Variants in TUSC3 observed in about 807,000 individuals in gnomAD.
The protein encoded by TUSC3 is tumor suppressor candidate 3, also known as dolichyl-diphosphooligosaccharide--protein glycosyltransferase subunit TUSC3.
Under a neutral mutation model 44.8 loss-of-function variants are expected in TUSC3, and 45 were observed. The observed-to-expected ratio is 1.00, with a 90% CI of 0.79 to 1.29. The LOEUF is 1.29. TUSC3 is among the 50% of genes most tolerant of loss of function. The pLI is 0.00. For missense variants in TUSC3, 519 were observed against 437.9 expected (o/e 1.19, Z -1.65); for synonymous variants, 212 against 152.9 (o/e 1.39, Z -2.85).
intron 2 of TUSC3, among the ~76,000 whole-genome samples, chr8:15,517,880 C>T (rs1014365540): frequency 2.6e-5 from 4 of 151,794 alleles, no homozygotes; most frequent in African/African-American, 9.7e-5. Flanking sequence ...CAAAATTTCC[C>T]TTTTAAATTG....
intron 2 of TUSC3, among the ~76,000 whole-genome samples, chr8:15,505,417 G>A (rs538707306): frequency 2.6e-5 from 4 of 152,182 alleles, no homozygotes; most frequent in Admixed American, 1.3e-4. Flanking sequence ...TCCTTTTTCA[G>A]TTAATTTGAG....
intron 1 of TUSC3, among the ~76,000 whole-genome samples, chr8:15,582,856 T>C (rs895848357): frequency 1.3e-5 from 2 of 152,228 alleles, no homozygotes; most frequent in East Asian, 3.8e-4. Context: ...AAATATGATA[T>C]GTAACACTTC....
At chr8:15,605,092 A>T (rs906314296) in intron 1 of TUSC3, among the ~76,000 whole-genome samples, 13 of 151,918 alleles carry the variant, frequency 8.6e-5, no homozygotes, top group Non-Finnish European at 1.9e-4. Flanking sequence ...TGTGGAAGTT[A>T]GAATATAATG....
At chr8:15,636,629 G>C (rs1806089325) in intron 2 of TUSC3, among the ~76,000 whole-genome samples, 1 of 152,170 alleles carries the variant, frequency 6.6e-6, no homozygotes, top group Admixed American at 6.5e-5. Context: ...CAGTCATTAG[G>C]TTTGTGTGTC....
At chr8:15,803,618 A>G in the TUSC3 span, among the ~76,000 whole-genome samples, 1 of 152,156 alleles carries the variant, frequency 6.6e-6, no homozygotes, top group Non-Finnish European at 1.5e-5. Flanking sequence ...ATGGGTATAC[A>G]CCTGCCATGG....
At chr8:15,633,179 T>G (rs1805898622) in intron 2 of TUSC3, among the ~76,000 whole-genome samples, 1 of 152,130 alleles carries the variant, frequency 6.6e-6, no homozygotes, top group Non-Finnish European at 1.5e-5. Flanking sequence ...GCATTACGTG[T>G]TTTCTTCTCT....
intron 2 of TUSC3, among the ~76,000 whole-genome samples, chr8:15,530,337 A>G (rs547679335): frequency 6.6e-6 from 1 of 152,272 alleles, no homozygotes; most frequent in South Asian, 2.1e-4. Context: ...TGTCTGGCAT[A>G]GTGGATAAGT....
intron 1 of TUSC3, among the ~76,000 whole-genome samples, chr8:15,423,588 C>T (rs571639616): frequency 4.5e-4 from 69 of 152,252 alleles, no homozygotes; most frequent in Non-Finnish European, 9.1e-4. Flanking sequence ...AATTCTTACT[C>T]GATTTTTCTA....
chr8:15,453,765 G>C (rs1430953599), intron 1 of TUSC3, among the ~76,000 whole-genome samples: 1 of 152,098 alleles, frequency 6.6e-6, no homozygotes, highest in East Asian at 1.9e-4. Context: ...GCGGGAGAGG[G>C]CTCCCCCTAC....
intron 2 of TUSC3, among the ~76,000 whole-genome samples, chr8:15,531,022 G>A (rs1171060482): frequency 1.3e-5 from 2 of 152,108 alleles, no homozygotes; most frequent in Non-Finnish European, 2.9e-5. Context: ...CCTCAGGTCC[G>A]CATGTGTATA....
At chr8:15,478,491 T>C (rs921303426) in intron 1 of TUSC3, among the ~76,000 whole-genome samples, 3 of 152,148 alleles carry the variant, frequency 2.0e-5, no homozygotes, top group Admixed American at 1.3e-4. Flanking sequence ...TGTGTTCTCA[T>C]TGTTGAACTC....
intron 1 of TUSC3, among the ~76,000 whole-genome samples, chr8:15,619,168 G>A (rs1805129929): frequency 6.6e-6 from 1 of 152,130 alleles, no homozygotes; most frequent in Non-Finnish European, 1.5e-5. Context: ...CTCCCTTAAG[G>A]CAGTTGGGAT....
At chr8:15,650,847 A>G (rs1348329142) in intron 3 of TUSC3, 33 bp downstream of exon 3, 3 of 1,587,554 alleles carry the variant, frequency 1.9e-6, no homozygotes, top group Admixed American at 1.7e-5. Context: ...TATATTTAAC[A>G]TAGTTGTTTG....
intron 1 of TUSC3, among the ~76,000 whole-genome samples, chr8:15,572,128 C>G (rs1209075257): frequency 6.6e-6 from 1 of 152,142 alleles, no homozygotes; most frequent in Admixed American, 6.5e-5. Context: ...TTCTCTCTAG[C>G]CATGGCATCG....
chr8:15,727,093 C>T (rs1406433098), intron 6 of TUSC3, among the ~76,000 whole-genome samples: 1 of 152,066 alleles, frequency 6.6e-6, no homozygotes, highest in Non-Finnish European at 1.5e-5. Context: ...CATGCTTTAG[C>T]TTTCAGGGAA....
At chr8:15,519,559 C>A in intron 2 of TUSC3, among the ~76,000 whole-genome samples, 1 of 152,080 alleles carries the variant, frequency 6.6e-6, no homozygotes, top group South Asian at 2.1e-4. Flanking sequence ...CTCATAGGAG[C>A]AAGAATCCTA....
At chr8:15,437,949 A>G (rs1015612943) in intron 1 of TUSC3, among the ~76,000 whole-genome samples, 1 of 152,246 alleles carries the variant, frequency 6.6e-6, no homozygotes, top group African/African-American at 2.4e-5. Flanking sequence ...TATGAGAAGC[A>G]GGCAGAATAA....
chr8:15,623,302 A>G (rs1805335549), intron 2 of TUSC3, 53 bp downstream of exon 2: 1 of 1,468,000 alleles, frequency 6.8e-7, no homozygotes, highest in Non-Finnish European at 9.1e-7. Context: ...GTTTACATAT[A>G]TATTTTTATG....
intron 3 of TUSC3, among the ~76,000 whole-genome samples, chr8:15,653,894 C>T (rs890773547): frequency 6.6e-6 from 1 of 152,126 alleles, no homozygotes; most frequent in African/African-American, 2.4e-5. Flanking sequence ...AGTGCAGAAA[C>T]TTGGTAATTT....
Sources: allele counts gnomAD v4.1 joint callset (sites outside exome capture counted in the v4.1 genomes callset), GRCh38; gene constraint gnomAD v4.1.1; transcripts MANE v1.5; gene names NCBI Gene and HGNC (gene_info 2026-07-23, HGNC 2026-07-21).